Variants in ZNF302 observed in about 807,000 individuals in gnomAD.
ZNF302 encodes zinc finger protein 302, also known as zinc finger protein 327.
In ZNF302, 12 loss-of-function variants were observed where a neutral mutation model predicts 10.8. The observed-to-expected ratio is 1.11, with a 90% CI of 0.71 to 1.79. The LOEUF is 1.79. Ranked by LOEUF, ZNF302 falls within the 40% of genes most tolerant of loss-of-function variation. ZNF302 has a pLI of 0.00. For synonymous variants in ZNF302, 178 were observed against 157.5 expected, an observed-to-expected ratio of 1.13 and a Z score of -0.98; for missense variants, 461 against 471.1, an observed-to-expected ratio of 0.98 and a Z score of 0.20.
chr19:34,684,535 A>C lies in ZNF302; in HGVS notation c.498A>C (p.Arg166Ser), dbSNP rs1209714118. The C allele has an allele frequency of 4.3e-6, 7 of 1,613,496 alleles. No individual in the cohort carries two copies. Among genetic ancestry groups the C allele is most frequent in the Non-Finnish European group, 5.9e-6 (7 of 1,179,610 alleles). Reference protein sequence around the residue: ...LSKKSVIKSERINGGKKLLNS... With the variant: ...LSKKSVIKSESINGGKKLLNS... Reference sequence around the variant, plus strand: ...AAAAGTCAGTTATAAAAAGTGAGAGAATAAATGGTGGAAAGAAACTTTTAA... The same window carrying C: ...AAAAGTCAGTTATAAAAAGTGAGAGCATAAATGGTGGAAAGAAACTTTTAA... The change falls in exon 5 of 5, where the codon AGA (arginine) becomes AGC (serine). Residue 166 changes from arginine to serine, a missense_variant. Physicochemically the swap from Arg to Ser is moderately radical, Grantham distance 110. Transcript: ENST00000505242.
In ZNF302 at chr19:34,684,888, CGTATGAAT is replaced by C. The variant is rs769029950; in HGVS notation, c.859_866del (p.Cys287LeufsTer6). ...CAGAGCACTCACACGGGAGAGAAAC[CGTATGAAT>C]GTATGAACTGTGGAAAGTCTTTTAG... On this transcript the variant is annotated frameshift_variant, in exon 5 of 5. Coordinates refer to ENST00000505242, the MANE Select transcript of ZNF302 (RefSeq NM_001289187.2). LOFTEE classifies it low-confidence loss of function (END_TRUNC). 12 of 1,613,762 alleles carry C rather than the reference CGTATGAAT, an allele frequency of 7.4e-6. No individual in the cohort carries two copies. The South Asian group carries it at 9.9e-5, about 13-fold the overall frequency.
chr19:34,681,143 G>A (rs976839148), intron 2 of ZNF302: 1 of 152,398 alleles, frequency 6.6e-6, no homozygotes, highest in Admixed American at 6.6e-5. Flanking sequence ...TCCAAATAAA[G>A]TAATACAATA....
intron 1 of ZNF302, 127 bp downstream of exon 1, chr19:34,678,230 A>C (rs2068086760): frequency 6.6e-6 from 1 of 152,536 alleles, no homozygotes; most frequent in South Asian, 2.1e-4. Flanking sequence ...AAGCCACCGC[A>C]CCAGCCTAAC....
Position 34,684,557 on chromosome 19 carries a change from T to C in ZNF302, c.520T>C (p.Leu174=), listed in dbSNP as rs1476600831. ...SERINGGKKL[L]NSNKSGAAFN... is the part of the protein sequence containing the mutation. ...GAGAATAAATGGTGGAAAGAAACTTTTAAATTCTAATAAAAGTGGGGCAGC... is the reference window on the plus strand; with the variant it reads ...GAGAATAAATGGTGGAAAGAAACTTCTAAATTCTAATAAAAGTGGGGCAGC... The change falls in exon 5 of 5, where the codon TTA becomes CTA. Residue 174 remains leucine (L), a synonymous_variant. Transcript: ENST00000505242. The C allele has an allele frequency of 6.2e-7, 1 of 1,613,810 alleles. No homozygotes were observed. The highest frequency in any genetic ancestry group is 1.1e-5 in the South Asian group (1 of 91,020).
upstream of ZNF302, chr19:34,677,362 C>T (rs1168984263): frequency 6.6e-6 from 1 of 152,224 alleles, no homozygotes; most frequent in Non-Finnish European, 1.5e-5. Context: ...AATGTAATTT[C>T]TTGGTCCGGG....
rs370917291 is a variant in ZNF302 at position 34,683,304 on chromosome 19, A to G, written c.214+66A>G. On this transcript the variant is annotated intron_variant, in intron 4 of 4. Transcript: ENST00000505242. ...GATTTTGTTAAAGATGTTTATAGTG[A>G]GTGTGGAAGCATTTTAGGGATACTG... is the stretch of plus-strand genomic sequence containing the variant. 12 of 1,585,258 alleles carry G rather than the reference A, an allele frequency of 7.6e-6. No individual in the cohort carries two copies. The South Asian group carries it at 1.1e-4, about 15-fold the overall frequency.
intron 4 of ZNF302, chr19:34,683,928 T>C (rs1413159389): frequency 8.2e-7 from 1 of 1,222,778 alleles, no homozygotes; most frequent in African/African-American, 1.6e-5. Context: ...TAATCCTGAA[T>C]GCCTTCCACA....
At chr19:34,683,341 C>A in intron 4 of ZNF302, 103 bp downstream of exon 4, 1 of 1,341,864 alleles carries the variant, frequency 7.5e-7, no homozygotes. Context: ...CTTCAAAGAT[C>A]TCAGATAGAA....
At position 34,685,191 on chromosome 19, in the gene ZNF302, T is replaced by G; in HGVS notation, c.1154T>G (p.Val385Gly). The G allele has an allele frequency of 6.2e-7, 1 of 1,606,048 alleles. No homozygotes were observed. The highest frequency in any genetic ancestry group is 1.1e-5 in the South Asian group (1 of 89,676). The part of the protein sequence containing the change: ...LKVFSSFSFL[V>G]QHQSIHTEEK... ...GTCTTTAGTAGCTTCTCATTTCTTG[T>G]TCAACATCAGAGTATTCATACTGAA... Residue 385 changes from valine (V) to glycine (G), a missense_variant, in exon 5 of 5, where the codon GTT (valine) becomes GGT (glycine). Physicochemically the swap from Val to Gly is moderately radical, Grantham distance 109. Transcript: ENST00000505242.
chr19:34,680,042 G>A, intron 2 of ZNF302: 1 of 661,974 alleles, frequency 1.5e-6, no homozygotes, highest in East Asian at 2.7e-5. Context: ...TGGTGTGGTA[G>A]TGCATGCCTG....
At chr19:34,680,082 G>A (rs1173260674) in intron 2 of ZNF302, 2 of 630,798 alleles carry the variant, frequency 3.2e-6, no homozygotes, top group South Asian at 3.7e-5. Flanking sequence ...GGCTGATGAG[G>A]TAGGAAGATT....
rs368494709 is a variant in ZNF302 at position 34,684,924 on chromosome 19, G to T, written c.887G>T (p.Arg296Leu). The T allele has an allele frequency of 2.3e-5, 37 of 1,613,838 alleles. No homozygotes were observed. In the African/African-American group the frequency reaches 4.9e-4, roughly 22 times the overall value. ...ECMNCGKSFS[R>L]VSLLIQHLRI... ...ATGAACTGTGGAAAGTCTTTTAGTC[G>T]TGTGTCCCTTCTCATTCAGCATCTA... Residue 296 changes from arginine (R) to leucine (L), a missense_variant, in exon 5 of 5, where the codon CGT (arginine) becomes CTT (leucine). Physicochemically the swap from Arg to Leu is moderately radical, Grantham distance 102 (BLOSUM62 -2). Transcript: ENST00000505242.
At chr19:34,676,578 C>CTA (rs1038770284), upstream of ZNF302, 1 of 152,150 alleles carries the variant, frequency 6.6e-6, no homozygotes, top group African/African-American at 2.4e-5. Flanking sequence ...TCTTTACTTT[C>CTA]TTAATACACT....
At chr19:34,679,911 G>A (rs2068249825) in intron 2 of ZNF302, 3 of 703,026 alleles carry the variant, frequency 4.3e-6, no homozygotes, top group Non-Finnish European at 7.8e-6. Context: ...ATGAAGAACT[G>A]GTGGGGCAGA....
upstream of ZNF302, chr19:34,677,492 C>G (rs1276527155): frequency 6.6e-6 from 1 of 152,328 alleles, no homozygotes; most frequent in African/African-American, 2.4e-5. Context: ...TCTAGGTCGA[C>G]GGCCCCAGGC....
chr19:34,684,742 G>A lies in ZNF302; in HGVS notation c.705G>A (p.Gly235=), dbSNP rs570709164. Residue 235 remains glycine (G), a synonymous_variant, in exon 5 of 5, where the codon GGG becomes GGA. Coordinates refer to ENST00000505242, the MANE Select transcript of ZNF302 (RefSeq NM_001289187.2). ...AGCCCTATGAATGTCGTGAATGTGGGAAGACTTTTAGCCATGGTTCATCCC... is the reference window on the plus strand; with the variant it reads ...AGCCCTATGAATGTCGTGAATGTGGAAAGACTTTTAGCCATGGTTCATCCC... The part of the protein sequence containing the change: ...GEKPYECREC[G]KTFSHGSSLT... 16 of 1,614,046 alleles carry A rather than the reference G, an allele frequency of 9.9e-6. No individual in the cohort carries two copies. In the South Asian group the frequency reaches 1.3e-4, roughly 13 times the overall value.
At position 34,677,907 on chromosome 19, in the gene ZNF302, G is replaced by C. The variant is rs1315770050; in HGVS notation, c.-265G>C. ...GGGCTAAGGCCCTGGGTCCGCGCGC[G>C]GTTTGACCACGGCCGGGGCCTTGGG... On this transcript the variant is annotated 5_prime_UTR_variant, in exon 1 of 5. Transcript: ENST00000505242. 1 of 152,302 alleles carries C rather than the reference G, an allele frequency of 6.6e-6. No homozygotes were observed. The highest frequency in any genetic ancestry group is 1.5e-5 in the Non-Finnish European group (1 of 68,082). The allele number at this position is 152,302 out of a possible 1,614,324, so 9.4% of individuals were successfully genotyped here. A position where few individuals can be genotyped will look rare whatever the true frequency, so the allele number is the denominator to read the frequency against.
intron 2 of ZNF302, among the ~76,000 whole-genome samples, chr19:34,679,358 T>C (rs1490052394): frequency 6.6e-6 from 1 of 152,222 alleles, no homozygotes; most frequent in Non-Finnish European, 1.5e-5. Flanking sequence ...CTGTTCTCAG[T>C]ACAGCTGTGA....
In ZNF302 at chr19:34,685,360, T is replaced by C; in HGVS notation, c.*123T>C. 6.2e-7 allele frequency: 1 copy of C among 1,613,324 alleles called. No individual in the cohort carries two copies. The highest frequency in any genetic ancestry group is 8.5e-7 in the Non-Finnish European group (1 of 1,179,334). On this transcript the variant is annotated 3_prime_UTR_variant, in exon 5 of 5. Transcript: ENST00000505242. ...CCTTTAGTCATAGGTCGTCCCTGCT[T>C]CAACATCACAGTATTCATACTGGAG... is the stretch of plus-strand genomic sequence containing the variant.
Sources: allele counts gnomAD v4.1 joint callset (sites outside exome capture counted in the v4.1 genomes callset), GRCh38; gene constraint gnomAD v4.1.1; transcripts MANE v1.5; gene names NCBI Gene and HGNC (gene_info 2026-07-23, HGNC 2026-07-21).